HECTD2: variants seen among roughly 807,000 people sequenced by gnomAD.
The protein encoded by HECTD2 is probable E3 ubiquitin-protein ligase HECTD2.
Under a neutral mutation model 103.2 loss-of-function variants are expected in HECTD2, and 35 were observed. That is an observed-to-expected ratio of 0.34 (90% CI 0.26 to 0.45). The LOEUF (loss-of-function observed/expected upper bound fraction) is 0.45, where lower values mean the gene tolerates loss of function less well. Ranked by LOEUF, HECTD2 falls within the 20% of genes least tolerant of loss-of-function variation. HECTD2 has a pLI of 1.00. For synonymous variants in HECTD2, 281 were observed against 329.9 expected, an observed-to-expected ratio of 0.85 and a Z score of 1.61; for missense variants, 596 against 937.4, an observed-to-expected ratio of 0.64 and a Z score of 4.76.
chr10:91,462,455 TATTTA>T, intron 5 of HECTD2: 1 of 1,220,696 alleles, frequency 8.2e-7, no homozygotes, highest in Non-Finnish European at 1.0e-6. Flanking sequence ...GGAGGTAAGT[TATTTA>T]ATTATATTGG....
intron 2 of HECTD2, among the ~76,000 whole-genome samples, chr10:91,436,287 A>G (rs2133088695): frequency 6.6e-6 from 1 of 152,098 alleles, no homozygotes; most frequent in Non-Finnish European, 1.5e-5. Context: ...GTTAACCATA[A>G]GCTTTATTAT....
rs374838690 is a variant in HECTD2 at position 91,418,356 on chromosome 10, G to T, written c.139-6925G>T. ...TCTAATGCCACCTTGCCTTCCTAGT[G>T]ATAAATGAACTGAAATTTCTGAGCT... On this transcript the variant is annotated intron_variant, in intron 1 of 20. Transcript: ENST00000298068. Among the ~76,000 whole-genome samples, 35 of 152,228 alleles carry T rather than the reference G, an allele frequency of 2.3e-4. No individual in the cohort carries two copies. The East Asian group carries it at 4.1e-3, about 18-fold the overall frequency.
chr10:91,445,787 A>AAGCACAAGGGATCAGT (rs1844581451), intron 2 of HECTD2, among the ~76,000 whole-genome samples: 1 of 152,146 alleles, frequency 6.6e-6, no homozygotes. Context: ...AAGGGATCAG[A>AAGCACAAGGGATCAGT]GAAATCCCTC....
chr10:91,500,881 A>G (rs932661731), intron 19 of HECTD2, among the ~76,000 whole-genome samples: 3 of 152,186 alleles, frequency 2.0e-5, no homozygotes, highest in Non-Finnish European at 2.9e-5. Context: ...CTAGAATTTC[A>G]TGGATGCTAT....
intron 2 of HECTD2, among the ~76,000 whole-genome samples, chr10:91,439,735 G>C (rs1440399540): frequency 3.3e-5 from 5 of 152,086 alleles, no homozygotes; most frequent in African/African-American, 9.7e-5. Flanking sequence ...TTTTCCCTTT[G>C]TTTGTGTCCT....
intron 6 of HECTD2, among the ~76,000 whole-genome samples, chr10:91,479,940 T>C (rs753733326): frequency 1.3e-5 from 2 of 152,140 alleles, no homozygotes; most frequent in Non-Finnish European, 2.9e-5. Flanking sequence ...CTTTTATAAG[T>C]TTTCCACCTA....
intron 2 of HECTD2, among the ~76,000 whole-genome samples, chr10:91,433,569 G>T (rs1843988814): frequency 6.6e-6 from 1 of 151,790 alleles, no homozygotes; most frequent in Non-Finnish European, 1.5e-5. Flanking sequence ...TAAGTAAACT[G>T]GATTTATTTA....
In HECTD2 at chr10:91,491,217, A is replaced by G. The variant is rs1474997841; in HGVS notation, c.1209A>G (p.Lys403=). 1 of 1,564,674 alleles carries G rather than the reference A, an allele frequency of 6.4e-7. No homozygotes were observed. Among genetic ancestry groups the G allele is most frequent in the Non-Finnish European group, 8.8e-7 (1 of 1,140,700 alleles). The part of the protein sequence containing the change: ...INIARQSLVD[K]VSRRQRPDMN... ...TTAATCAGCAAAGTCTGGTGGATAAAGTATCTCGAAGACAGAGACCTGATA... is the reference window on the plus strand; with the variant it reads ...TTAATCAGCAAAGTCTGGTGGATAAGGTATCTCGAAGACAGAGACCTGATA... The change falls in exon 12 of 21, where the codon AAA becomes AAG. Residue 403 remains lysine (K), a synonymous_variant. Coordinates refer to ENST00000298068, the MANE Select transcript of HECTD2 (RefSeq NM_182765.6).
At chr10:91,460,943 A>G (rs554532328) in intron 3 of HECTD2, among the ~76,000 whole-genome samples, 7 of 152,188 alleles carry the variant, frequency 4.6e-5, no homozygotes, top group Admixed American at 6.5e-5. Flanking sequence ...TTGAAGGACG[A>G]AGTGGGAATG....
intron 2 of HECTD2, among the ~76,000 whole-genome samples, chr10:91,459,802 C>T (rs1031745544): frequency 8.5e-5 from 13 of 152,160 alleles, no homozygotes; most frequent in East Asian, 5.8e-4. Flanking sequence ...TATTTACATA[C>T]GTTTAAATAA....
At chr10:91,479,289 C>T (rs533076516) in intron 6 of HECTD2, among the ~76,000 whole-genome samples, 2 of 152,210 alleles carry the variant, frequency 1.3e-5, no homozygotes, top group African/African-American at 4.8e-5. Context: ...ACTGGATTTG[C>T]TTGGACACTA....
At chr10:91,409,584 G>C (rs1842831759), upstream of HECTD2, among the ~76,000 whole-genome samples, 1 of 152,012 alleles carries the variant, frequency 6.6e-6, no homozygotes, top group Non-Finnish European at 1.5e-5. Context: ...GGAAAGTGTG[G>C]ACTGGCCGTC....
At chr10:91,432,994 A>G (rs1347399344) in intron 2 of HECTD2, among the ~76,000 whole-genome samples, 1 of 152,026 alleles carries the variant, frequency 6.6e-6, no homozygotes, top group Non-Finnish European at 1.5e-5. Context: ...CAGGTGTTAG[A>G]AGAAGCATAG....
Position 91,481,156 on chromosome 10 carries a change from C to T in HECTD2, c.711+17C>T. On this transcript the variant is annotated intron_variant, in intron 7 of 20. Transcript: ENST00000298068. ...CTTTTACAGGTAAGAGAACCAGAAC[C>T]TAGTTGAAGTTGTCTAAGTCAGATC... 6.9e-7 allele frequency: 1 copy of T among 1,446,264 alleles called. No individual in the cohort carries two copies. The highest frequency in any genetic ancestry group is 1.4e-5 in the African/African-American group (1 of 69,400). 89.6% of individuals were successfully genotyped at this position (1,446,264 alleles called of 1,614,324 possible).
intron 20 of HECTD2, among the ~76,000 whole-genome samples, chr10:91,504,186 G>A (rs1847040772): frequency 6.6e-6 from 1 of 152,018 alleles, no homozygotes; most frequent in Admixed American, 6.5e-5. Context: ...AAAAAACAGA[G>A]CAGAAAAACT....
chr10:91,496,519 T>C (rs1221056563), intron 15 of HECTD2, 147 bp downstream of exon 15: 2 of 603,212 alleles, frequency 3.3e-6, no homozygotes, highest in Admixed American at 3.7e-5. Flanking sequence ...ATCTAGCTTT[T>C]TCTTTCCTTA....
At chr10:91,490,890 CAAAAAAAAA>C (rs61035151) in intron 11 of HECTD2, among the ~76,000 whole-genome samples, 2 of 13,616 alleles carry the variant, frequency 1.5e-4, no homozygotes, top group African/African-American at 2.3e-4. Context: ...GACTCCGTCT[CAAAAAAAAA>C]AAAAAAAAAA....
intron 5 of HECTD2, among the ~76,000 whole-genome samples, chr10:91,464,862 G>A (rs1845474293): frequency 6.6e-6 from 1 of 152,020 alleles, no homozygotes; most frequent in Non-Finnish European, 1.5e-5. Context: ...ATATTAATAT[G>A]TTATATATGT....
In HECTD2 at chr10:91,483,053, T is replaced by C. The variant is rs552537961; in HGVS notation, c.798T>C (p.His266=). ...QIATLVEADH[H]FLVHWFKKLS... is the part of the protein sequence containing the mutation. Reference sequence around the variant, plus strand: ...CTACCTTAGTGGAAGCTGACCATCATTTCCTAGTTCACTGGTTTAAAAAGT... The same window carrying C: ...CTACCTTAGTGGAAGCTGACCATCACTTCCTAGTTCACTGGTTTAAAAAGT... The change falls in exon 8 of 21, where the codon CAT becomes CAC. Residue 266 remains histidine, a synonymous_variant. Transcript: ENST00000298068. 6 of 1,560,354 alleles carry C rather than the reference T, an allele frequency of 3.8e-6. No homozygotes were observed. The African/African-American group carries it at 6.8e-5, about 18-fold the overall frequency.
Sources: allele counts gnomAD v4.1 joint callset (sites outside exome capture counted in the v4.1 genomes callset), GRCh38; gene constraint gnomAD v4.1.1; transcripts MANE v1.5; gene names NCBI Gene and HGNC (gene_info 2026-07-23, HGNC 2026-07-21).